Variants in NCOA2 observed in about 807,000 individuals in gnomAD.
The protein encoded by NCOA2 is nuclear receptor coactivator 2.
A neutral mutation model predicts 145.1 loss-of-function variants in NCOA2; 21 were observed. The observed-to-expected ratio is 0.14, with a 90% CI of 0.10 to 0.21. The LOEUF is 0.21. Ranked by LOEUF, NCOA2 falls within the 10% of genes least tolerant of loss-of-function variation. The pLI, the probability that NCOA2 is intolerant of heterozygous loss-of-function variation, is 1.00. For synonymous variants in NCOA2, 619 were observed against 637.5 expected (o/e 0.97, Z 0.44); for missense variants, 1,472 against 1,837.6 (o/e 0.80, Z 3.64).
chr8:70,202,975 G>C (rs563898016), intron 4 of NCOA2, among the ~76,000 whole-genome samples: 2 of 151,988 alleles, frequency 1.3e-5, no homozygotes, highest in South Asian at 4.1e-4. Context: ...GCCGGATCAC[G>C]AGGTCAAGAG....
At chr8:70,287,775 T>C (rs1043615333) in intron 2 of NCOA2, among the ~76,000 whole-genome samples, 1 of 152,214 alleles carries the variant, frequency 6.6e-6, no homozygotes. Flanking sequence ...GTCTAGCTAG[T>C]AGCCACAATG....
At chr8:70,329,652 A>G (rs1211536715) in intron 1 of NCOA2, among the ~76,000 whole-genome samples, 2 of 152,142 alleles carry the variant, frequency 1.3e-5, no homozygotes, top group African/African-American at 4.8e-5. Context: ...ACCAAAATAG[A>G]AAGTGACCCA....
At chr8:70,366,011 T>C (rs1810655333) in intron 1 of NCOA2, among the ~76,000 whole-genome samples, 1 of 152,106 alleles carries the variant, frequency 6.6e-6, no homozygotes. Context: ...AATTATTAAA[T>C]CTGCACCTCA....
intron 2 of NCOA2, among the ~76,000 whole-genome samples, chr8:70,260,268 C>G (rs1824006250): frequency 6.6e-6 from 1 of 151,966 alleles, no homozygotes; most frequent in African/African-American, 2.4e-5. Context: ...GCCTCGACCT[C>G]CTGGGTTCAA....
chr8:70,208,596 G>A (rs1818710240), intron 4 of NCOA2, among the ~76,000 whole-genome samples: 1 of 152,212 alleles, frequency 6.6e-6, no homozygotes, highest in Non-Finnish European at 1.5e-5. Flanking sequence ...TGACTCTTCT[G>A]TTAAGGGGCT....
intron 4 of NCOA2, among the ~76,000 whole-genome samples, chr8:70,212,399 A>C (rs1014399542): frequency 1.3e-5 from 2 of 152,190 alleles, no homozygotes; most frequent in African/African-American, 2.4e-5. Context: ...AAGACGAGTG[A>C]TGAAGGGGAC....
chr8:70,280,314 C>T (rs1341646953), intron 2 of NCOA2, among the ~76,000 whole-genome samples: 1 of 152,084 alleles, frequency 6.6e-6, no homozygotes, highest in African/African-American at 2.4e-5. Context: ...AAGCTTTCAA[C>T]CTATAATGGG....
intron 1 of NCOA2, chr8:70,401,832 A>T (rs1814280464): frequency 1.3e-5 from 2 of 152,270 alleles, no homozygotes; most frequent in African/African-American, 4.8e-5. Flanking sequence ...GAGGTCCAGG[A>T]CATGATCACT....
chr8:70,365,530 T>TA (rs1810615141), intron 1 of NCOA2, among the ~76,000 whole-genome samples: 1 of 152,248 alleles, frequency 6.6e-6, no homozygotes, highest in Non-Finnish European at 1.5e-5. Context: ...TACAGCATCC[T>TA]ACTCTTTTTC....
intron 1 of NCOA2, among the ~76,000 whole-genome samples, chr8:70,309,717 G>T (rs999845077): frequency 6.6e-6 from 1 of 151,872 alleles, no homozygotes; most frequent in African/African-American, 2.4e-5. Flanking sequence ...TTGGGAGGTC[G>T]ACATGGGAGG....
chr8:70,398,468 T>C (rs1298960529), intron 1 of NCOA2, among the ~76,000 whole-genome samples: 1 of 151,914 alleles, frequency 6.6e-6, no homozygotes, highest in Non-Finnish European at 1.5e-5. Context: ...CTCAAAATAA[T>C]AATAATAATA....
chr8:70,325,721 G>A (rs1347859265), intron 1 of NCOA2, among the ~76,000 whole-genome samples: 2 of 152,112 alleles, frequency 1.3e-5, no homozygotes, highest in Non-Finnish European at 2.9e-5. Context: ...CATCTTAACT[G>A]CAAGTTTTCA....
At chr8:70,321,879 A>G (rs150260653) in intron 1 of NCOA2, among the ~76,000 whole-genome samples, 3,733 of 133,658 alleles carry the variant, frequency 0.028, 148 homozygotes, top group African/African-American at 0.1. Context: ...CTGTAATCCC[A>G]GCACTTTGGG....
At chr8:70,118,635 T>C (rs914440579) in intron 22 of NCOA2, among the ~76,000 whole-genome samples, 3 of 152,090 alleles carry the variant, frequency 2.0e-5, no homozygotes, top group Admixed American at 6.6e-5. Flanking sequence ...AATACCCACT[T>C]TTTTTTGGGA....
chr8:70,385,359 TC>T (rs1812568798), intron 1 of NCOA2, among the ~76,000 whole-genome samples: 1 of 152,198 alleles, frequency 6.6e-6, no homozygotes, highest in Admixed American at 6.5e-5. Flanking sequence ...TGGATGGCAA[TC>T]CAGACAGTGC....
At chr8:70,158,749 C>T (rs182561319) in intron 10 of NCOA2, among the ~76,000 whole-genome samples, 7 of 152,178 alleles carry the variant, frequency 4.6e-5, no homozygotes, top group Middle Eastern at 3.4e-3. Flanking sequence ...AAGACTCTGC[C>T]TCAAAACAAA....
At chr8:70,338,775 G>A (rs140196612) in intron 1 of NCOA2, among the ~76,000 whole-genome samples, 1 of 152,250 alleles carries the variant, frequency 6.6e-6, no homozygotes, top group African/African-American at 2.4e-5. Flanking sequence ...TTCATCCCCA[G>A]GGTGCAAGGT....
intron 2 of NCOA2, among the ~76,000 whole-genome samples, chr8:70,256,873 T>C (rs1009121036): frequency 6.6e-6 from 1 of 152,186 alleles, no homozygotes; most frequent in Non-Finnish European, 1.5e-5. Context: ...CATTGGTTCC[T>C]CCAAATCTCA....
At chr8:70,408,993 C>T in the NCOA2 span, among the ~76,000 whole-genome samples, 1 of 152,006 alleles carries the variant, frequency 6.6e-6, no homozygotes, top group Admixed American at 6.5e-5. Context: ...AATCCCTGCA[C>T]TTTGGGAGGC....
Sources: gnomAD v4.1 joint callset for allele counts (sites outside exome capture counted in the v4.1 genomes callset) on GRCh38, gnomAD v4.1.1 for gene constraint, MANE v1.5 for transcripts, NCBI Gene and HGNC (gene_info 2026-07-23, HGNC 2026-07-21) for gene names.